TFIP11: variants seen among roughly 807,000 people sequenced by gnomAD.
TFIP11 encodes tuftelin-interacting protein 11.
In TFIP11, 86 loss-of-function variants were observed where a neutral mutation model predicts 96.8. That is an observed-to-expected ratio of 0.89 (90% CI 0.75 to 1.06). The LOEUF is 1.06. Ranked by LOEUF, TFIP11 falls within the 50% of genes least tolerant of loss-of-function variation. The pLI is 0.00. For missense variants in TFIP11, 881 were observed against 1,076.7 expected, an observed-to-expected ratio of 0.82 and a Z score of 2.54; for synonymous variants, 405 against 395.2, an observed-to-expected ratio of 1.02 and a Z score of -0.29.
chr22:26,510,455 A>G (rs1923914897), intron 3 of TFIP11, among the ~76,000 whole-genome samples, 162 bp downstream of exon 3: 1 of 152,242 alleles, frequency 6.6e-6, no homozygotes, highest in Admixed American at 6.5e-5. Flanking sequence ...TTTAGATAAC[A>G]ATCAGTACTA....
chr22:26,499,967 AAAG>A (rs1173710481), intron 8 of TFIP11, among the ~76,000 whole-genome samples: 1 of 152,242 alleles, frequency 6.6e-6, no homozygotes, highest in African/African-American at 2.4e-5. Flanking sequence ...TGTACTGATC[AAAG>A]AAGGTAACAT....
rs908459511 is a variant in TFIP11, at chr22:26,494,143, G to A, written c.2154C>T (p.Asn718=). 5.6e-6 allele frequency: 9 copies of A among 1,613,788 alleles called. No individual in the cohort carries two copies. The highest frequency in any genetic ancestry group is 7.6e-6 in the Non-Finnish European group (9 of 1,179,720). The part of the protein sequence containing the change: ...LDIMNRAVSS[N]VGAYMQPGAR... ...AAAATGGGAATCCTCACTTACCAACGTTGGAGGACACCGCCCGGTTCATGA... is the reference window on the plus strand; with the variant it reads ...AAAATGGGAATCCTCACTTACCAACATTGGAGGACACCGCCCGGTTCATGA... Residue 718 remains asparagine, a synonymous_variant, in exon 14 of 15, where the codon AAC becomes AAT. Transcript: ENST00000407690.
At position 26,499,478 on chromosome 22, in the gene TFIP11, C is replaced by A. The variant is rs753731297; in HGVS notation, c.955G>T (p.Glu319Ter). The A allele has an allele frequency of 6.8e-6, 11 of 1,614,060 alleles. No individual in the cohort carries two copies. In the Admixed American group the frequency reaches 8.3e-5, roughly 12 times the overall value. ...AGCAGCTGCAGGTTGTGCTCCAGCTCGGGCAGCGCGAAGCCGGGGGCCTTG... is the reference window on the plus strand; with the variant it reads ...AGCAGCTGCAGGTTGTGCTCCAGCTAGGGCAGCGCGAAGCCGGGGGCCTTG... ...EAKAPGFALPELEHNLQLLID... is the reference protein window; with the variant it reads ...EAKAPGFALP Residue 319 changes from glutamate to a stop codon, truncating the protein, a stop_gained, in exon 9 of 15, where the codon GAG (glutamate) becomes TAG (stop). Coordinates refer to ENST00000407690, the MANE Select transcript of TFIP11 (RefSeq NM_012143.4). LOFTEE classifies it high-confidence loss of function.
chr22:26,498,712 A>C (rs1018923935), intron 10 of TFIP11, 157 bp downstream of exon 10: 2 of 636,388 alleles, frequency 3.1e-6, no homozygotes, highest in East Asian at 5.3e-5. Flanking sequence ...TAAAAAAAAA[A>C]AATTCATAGC....
In TFIP11 at chr22:26,491,873, C is replaced by A; in HGVS notation, c.*140G>T. 1.0e-6 allele frequency: 1 copy of A among 999,318 alleles called. No individual in the cohort carries two copies. The highest frequency in any genetic ancestry group is 1.4e-6 in the Non-Finnish European group (1 of 691,830). The allele number at this position is 999,318 out of a possible 1,614,324, so 61.9% of individuals were successfully genotyped here. On this transcript the variant is annotated 3_prime_UTR_variant, in exon 15 of 15. Transcript: ENST00000407690. Reference sequence around the variant, plus strand: ...ACGTGGCATTGTCCCATTTTACATCCTTCCCTCATGACCTGGCCTGATGTG... The same window carrying A: ...ACGTGGCATTGTCCCATTTTACATCATTCCCTCATGACCTGGCCTGATGTG...
At position 26,505,579 on chromosome 22, in the gene TFIP11, C is replaced by T. The variant is rs16982244; in HGVS notation, c.520+724G>A. Among the ~76,000 whole-genome samples the T allele has an allele frequency of 6.8e-3, 1,035 of 152,238 alleles. 62 individuals are homozygous for T. The East Asian group carries it at 0.14, about 20-fold the overall frequency. Reference sequence around the variant, plus strand: ...TCCAAGAGAAGGCCATGTCCATCGTCCCAGGAGCAGTTCTCACTTGCCTCA... The same window carrying T: ...TCCAAGAGAAGGCCATGTCCATCGTTCCAGGAGCAGTTCTCACTTGCCTCA... On this transcript the variant is annotated intron_variant, in intron 6 of 14. Transcript: ENST00000407690.
chr22:26,503,410 C>T (rs530825224), intron 7 of TFIP11, among the ~76,000 whole-genome samples: 7 of 152,322 alleles, frequency 4.6e-5, no homozygotes, highest in African/African-American at 1.4e-4. Context: ...CACCTCCCAA[C>T]CCCCAGCCTT....
Position 26,510,629 on chromosome 22 carries a change from G to A in TFIP11, c.-22C>T, listed in dbSNP as rs1316758268. The A allele has an allele frequency of 5.0e-6, 1 of 200,194 alleles. No individual in the cohort carries two copies. The highest frequency in any genetic ancestry group is 5.4e-5 in the Admixed American group (1 of 18,676). 12.4% of individuals were successfully genotyped at this position (200,194 alleles called of 1,614,324 possible). ...TGTACATTATTACCTTAGAAAATGA[G>A]TAGGTATCTTCTTAGATCCCAGATT... is the stretch of plus-strand genomic sequence containing the variant. On this transcript the variant is annotated 5_prime_UTR_variant, in exon 3 of 15. Transcript: ENST00000407690.
rs758823618 is a variant in TFIP11 at position 26,496,844 on chromosome 22, G to C, written c.1482C>G (p.Thr494=). The C allele has an allele frequency of 6.2e-7, 1 of 1,614,112 alleles. No homozygotes were observed. The highest frequency in any genetic ancestry group is 1.1e-5 in the South Asian group (1 of 91,082). ...GGTCACAGTTCCTTGGCTGCCACTG[G>C]GTGACAATATTTCGAACAAAAGGCA... ...VWMPFVRNIV[T]QWQPRNCDPM... The change falls in exon 11 of 15, where the codon ACC becomes ACG. Residue 494 remains threonine (T), a synonymous_variant. Transcript: ENST00000407690.
In TFIP11 at chr22:26,491,794, C is replaced by A; in HGVS notation, c.*219G>T. The stretch of plus-strand genomic sequence containing the variant: ...CAGGAAAGAACATCAACTTGGCTGT[C>A]CTGTTTTGAGGACGATACCCCACAT... On this transcript the variant is annotated 3_prime_UTR_variant, in exon 15 of 15. Transcript: ENST00000407690. 9.6e-7 allele frequency: 1 copy of A among 1,042,832 alleles called. No individual in the cohort carries two copies. The highest frequency in any genetic ancestry group is 2.6e-5 in the East Asian group (1 of 38,850). 64.6% of individuals were successfully genotyped at this position (1,042,832 alleles called of 1,614,324 possible). A position where few individuals can be genotyped will look rare whatever the true frequency, so the allele number is the denominator to read the frequency against.
Position 26,494,305 on chromosome 22 carries a change from C to G in TFIP11, c.1993-1G>C, listed in dbSNP as rs1250270631. ...TGTTACTGAGCCAAGAGCACAGCACCTGCCAAAAAGAAAAATTACTTGCAT... is the reference window on the plus strand; with the variant it reads ...TGTTACTGAGCCAAGAGCACAGCACGTGCCAAAAAGAAAAATTACTTGCAT... On this transcript the variant is annotated splice_acceptor_variant, in intron 13 of 14. Transcript: ENST00000407690. LOFTEE classifies it high-confidence loss of function. 1 of 1,614,180 alleles carries G rather than the reference C, an allele frequency of 6.2e-7. No homozygotes were observed. The highest frequency in any genetic ancestry group is 1.1e-5 in the South Asian group (1 of 91,068).
rs372640084 is a variant in TFIP11, at chr22:26,491,709, A to C, written c.*304T>G. 6.7e-5 allele frequency: 105 copies of C among 1,566,240 alleles called. No homozygotes were observed. Among genetic ancestry groups the C allele is most frequent in the Non-Finnish European group, 8.4e-5 (97 of 1,149,188 alleles). On this transcript the variant is annotated 3_prime_UTR_variant, in exon 15 of 15. Coordinates refer to ENST00000407690, the MANE Select transcript of TFIP11 (RefSeq NM_012143.4). ...GGTACTCAGTGTTGGCTGAGGTAGA[A>C]GCTGCCACCAGAGACTAAAGGGAAG...
rs769669754 is a variant in TFIP11 at position 26,494,901 on chromosome 22, G to A, written c.1888C>T (p.Gln630Ter). The A allele has an allele frequency of 6.2e-7, 1 of 1,614,236 alleles. No individual in the cohort carries two copies. Among genetic ancestry groups the A allele is most frequent in the East Asian group, 2.2e-5 (1 of 44,892 alleles). The change falls in exon 13 of 15, where the codon CAG becomes TAG. Residue 630 changes from glutamine (Q) to a stop codon, truncating the protein, a stop_gained. Coordinates refer to ENST00000407690, the MANE Select transcript of TFIP11 (RefSeq NM_012143.4). LOFTEE classifies it high-confidence loss of function. ...ACCCAATAGAATGCATCCATGTGCT[G>A]CTGGTGGGGGTTAATGACTAGCTCA... is the stretch of plus-strand genomic sequence containing the variant. ...LGELVINPHQ[Q>*]HMDAFYWVID...
chr22:26,507,124 C>A (rs1035684885), intron 4 of TFIP11, among the ~76,000 whole-genome samples, 196 bp from the exon 5 acceptor site: 20 of 152,196 alleles, frequency 1.3e-4, no homozygotes, highest in African/African-American at 4.6e-4. Context: ...TCACATTTAA[C>A]ATTTTACCTG....
intron 7 of TFIP11, among the ~76,000 whole-genome samples, chr22:26,502,799 G>C (rs2147138785): frequency 6.6e-6 from 1 of 152,098 alleles, no homozygotes; most frequent in East Asian, 1.9e-4. Context: ...GCTGAATAAA[G>C]ATTTACCTTC....
chr22:26,494,827 A>T lies in TFIP11; in HGVS notation c.1962T>A (p.Leu654=). 1 of 1,614,208 alleles carries T rather than the reference A, an allele frequency of 6.2e-7. No individual in the cohort carries two copies. The highest frequency in any genetic ancestry group is 8.5e-7 in the Non-Finnish European group (1 of 1,180,026). ...MISVSSLVGL[L]EKHFFPKWLQ... Reference sequence around the variant, plus strand: ...GCCACTTGGGGAAGAAGTGCTTTTCAAGAAGTCCCACCAGGCTAGAGACAG... The same window carrying T: ...GCCACTTGGGGAAGAAGTGCTTTTCTAGAAGTCCCACCAGGCTAGAGACAG... The change falls in exon 13 of 15, where the codon CTT becomes CTA. Residue 654 remains leucine, a synonymous_variant. Transcript: ENST00000407690.
At chr22:26,495,089 G>A in intron 12 of TFIP11, 150 bp from the exon 13 acceptor site, 2 of 989,922 alleles carry the variant, frequency 2.0e-6, no homozygotes, top group Admixed American at 2.6e-5. Context: ...AGCCTCCCGA[G>A]TAGCTGGGAG....
In TFIP11 at chr22:26,499,434, C is replaced by T. The variant is rs1922489197; in HGVS notation, c.999G>A (p.Gln333=). 1 of 1,614,084 alleles carries T rather than the reference C, an allele frequency of 6.2e-7. No homozygotes were observed. The highest frequency in any genetic ancestry group is 1.3e-5 in the African/African-American group (1 of 74,942). Residue 333 remains glutamine, a synonymous_variant, in exon 9 of 15, where the codon CAG becomes CAA. Transcript: ENST00000407690. ...GCTGCCGGTCATTCTGGATGATCTC[C>T]TGCTCCGTGAGGTCGATGAGCAGCT... ...NLQLLIDLTE[Q]EIIQNDRQLQ... is the part of the protein sequence containing the mutation.
rs1447435768 is a variant in TFIP11 at position 26,499,354 on chromosome 22, G to A, written c.1079C>T (p.Thr360Ile). 1 of 1,614,106 alleles carries A rather than the reference G, an allele frequency of 6.2e-7. No individual in the cohort carries two copies. The change falls in exon 9 of 15, where the codon ACC (threonine) becomes ATC (isoleucine). Residue 360 changes from threonine to isoleucine, a missense_variant. Transcript: ENST00000407690. Reference protein sequence around the residue: ...VNLFHELEKMTEVLDHEERVI... With the variant: ...VNLFHELEKMIEVLDHEERVI... ...CCGCTCCTCGTGGTCCAGGACCTCG[G>A]TCATCTTCTCCAGCTCGTGGAAGAG...
Sources: gnomAD v4.1 joint callset for allele counts (sites outside exome capture counted in the v4.1 genomes callset) on GRCh38, gnomAD v4.1.1 for gene constraint, MANE v1.5 for transcripts, NCBI Gene and HGNC (gene_info 2026-07-23, HGNC 2026-07-21) for gene names.